Variants in STK32B observed in about 807,000 individuals in gnomAD.
STK32B encodes serine/threonine-protein kinase 32B.
STK32B carries 43 observed loss-of-function variants against 52.6 expected under a neutral mutation model. The observed-to-expected ratio is 0.82, with a 90% CI of 0.64 to 1.05. The LOEUF is 1.05. Among genes scored for constraint, STK32B ranks in the 50% least tolerant of loss-of-function variants. STK32B has a pLI of 0.00. For missense variants in STK32B, 621 were observed against 534.6 expected, an observed-to-expected ratio of 1.16 and a Z score of -1.59; for synonymous variants, 238 against 204.3, an observed-to-expected ratio of 1.17 and a Z score of -1.41.
At chr4:5,175,675 A>G (rs1178170693) in intron 3 of STK32B, among the ~76,000 whole-genome samples, 1 of 152,160 alleles carries the variant, frequency 6.6e-6, no homozygotes, top group Admixed American at 6.5e-5. Context: ...TTTGTCTCAG[A>G]GGAGTACCCG....
chr4:5,134,293 G>A (rs1715943113), intron 1 of STK32B, among the ~76,000 whole-genome samples: 1 of 152,190 alleles, frequency 6.6e-6, no homozygotes, highest in East Asian at 1.9e-4. Flanking sequence ...AATAAAAGGT[G>A]ATTAGGCCAT....
intron 11 of STK32B, among the ~76,000 whole-genome samples, chr4:5,477,715 G>A (rs1313905046): frequency 6.6e-6 from 1 of 152,108 alleles, no homozygotes; most frequent in Non-Finnish European, 1.5e-5. Context: ...TTGCCCTTGG[G>A]AATTACACGC....
intron 3 of STK32B, among the ~76,000 whole-genome samples, chr4:5,245,474 G>A (rs56181302): frequency 3.3e-5 from 5 of 151,420 alleles, no homozygotes; most frequent in Non-Finnish European, 3.0e-5. Flanking sequence ...ACGTGAGCAC[G>A]TGAGATGGGT....
rs1376509358 is a variant in STK32B at position 5,051,564 on chromosome 4, G to A, written c.-300G>A. ...AGGAGCGCCGCACGTTGGCCCCGGCGCGAGGAGCTCCCGGGTTCCCGGGCG... is the reference window on the plus strand; with the variant it reads ...AGGAGCGCCGCACGTTGGCCCCGGCACGAGGAGCTCCCGGGTTCCCGGGCG... On this transcript the variant is annotated 5_prime_UTR_variant, in exon 1 of 12. Coordinates refer to ENST00000282908, the MANE Select transcript of STK32B (RefSeq NM_018401.3). 1.3e-5 allele frequency: 5 copies of A among 385,166 alleles called. No individual in the cohort carries two copies. Among genetic ancestry groups the A allele is most frequent in the East Asian group, 4.4e-5 (1 of 22,728 alleles). 23.9% of individuals were successfully genotyped at this position (385,166 alleles called of 1,614,324 possible). A position where few individuals can be genotyped will look rare whatever the true frequency, so the allele number is the denominator to read the frequency against.
intron 3 of STK32B, among the ~76,000 whole-genome samples, chr4:5,233,714 C>T (rs988608034): frequency 4.0e-5 from 6 of 151,154 alleles, no homozygotes; most frequent in African/African-American, 1.2e-4. Flanking sequence ...AAGCCATTCA[C>T]TTGGGAGGCT....
chr4:5,097,889 GT>G (rs981184296), intron 1 of STK32B, among the ~76,000 whole-genome samples: 95 of 152,346 alleles, frequency 6.2e-4, no homozygotes, highest in African/African-American at 2.2e-3. Context: ...CAGCTGGGGA[GT>G]TATGCTAACC....
intron 2 of STK32B, 184 bp downstream of exon 2, chr4:5,140,144 T>G: frequency 2.1e-6 from 3 of 1,423,932 alleles, no homozygotes; most frequent in Non-Finnish European, 2.9e-6. Flanking sequence ...TTCTGGAAAT[T>G]AAATTACCAC....
chr4:5,375,866 G>T, intron 4 of STK32B, among the ~76,000 whole-genome samples: 1 of 152,176 alleles, frequency 6.6e-6, no homozygotes, highest in East Asian at 1.9e-4. Flanking sequence ...AGGTTCCTCT[G>T]TGGGATGATG....
At chr4:5,335,607 T>C (rs542556141) in intron 4 of STK32B, among the ~76,000 whole-genome samples, 32 of 152,120 alleles carry the variant, frequency 2.1e-4, no homozygotes, top group Middle Eastern at 3.2e-3. Flanking sequence ...CTTTCTCTTG[T>C]GGGCATTTAG....
upstream of STK32B, among the ~76,000 whole-genome samples, chr4:5,051,220 G>C (rs1394726358): frequency 2.6e-5 from 4 of 152,082 alleles, no homozygotes; most frequent in Admixed American, 2.6e-4. Flanking sequence ...CGTCTACTGC[G>C]CTCTAAAATA....
At chr4:5,337,531 C>A (rs74917145) in intron 4 of STK32B, among the ~76,000 whole-genome samples, 2,087 of 152,252 alleles carry the variant, frequency 0.014, 32 homozygotes, top group East Asian at 0.075. Flanking sequence ...CAGGATGATG[C>A]TGATGGGATA....
At chr4:5,109,119 C>T (rs562725856) in intron 1 of STK32B, among the ~76,000 whole-genome samples, 4 of 152,146 alleles carry the variant, frequency 2.6e-5, no homozygotes, top group Admixed American at 6.5e-5. Context: ...AGAGCCTTGT[C>T]CAGCAACAAA....
chr4:5,200,131 C>T (rs367991334), intron 3 of STK32B, among the ~76,000 whole-genome samples: 3 of 152,050 alleles, frequency 2.0e-5, no homozygotes, highest in Admixed American at 6.5e-5. Context: ...ATGGGAATAA[C>T]GTCTAGTTCT....
Position 5,317,320 on chromosome 4 carries a change from AAT to A in STK32B, c.261-13893_261-13892del, listed in dbSNP as rs1385219291. Among the ~76,000 whole-genome samples the A allele has an allele frequency of 3.2e-4, 14 of 43,512 alleles. 1 individual carries two copies. In the East Asian group the frequency reaches 5.5e-3, roughly 17 times the overall value. 28.5% of individuals were successfully genotyped at this position (43,512 alleles called of 152,430 possible). On this transcript the variant is annotated intron_variant, in intron 3 of 11. Transcript: ENST00000282908. ...AATATATAATATATAACATATGTAT[AAT>A]ATATATTACATATATAATACATATA...
chr4:5,374,637 G>A (rs886481737), intron 4 of STK32B, among the ~76,000 whole-genome samples: 2 of 152,176 alleles, frequency 1.3e-5, no homozygotes, highest in Non-Finnish European at 2.9e-5. Flanking sequence ...AAAGGGCAAG[G>A]CACCTCCCTT....
intron 2 of STK32B, among the ~76,000 whole-genome samples, chr4:5,148,899 T>A (rs1717127045): frequency 6.6e-6 from 1 of 151,836 alleles, no homozygotes; most frequent in Non-Finnish European, 1.5e-5. Context: ...ACGTTGAGAT[T>A]TGTTGTTAGA....
intron 3 of STK32B, among the ~76,000 whole-genome samples, chr4:5,314,627 G>A (rs1255584098): frequency 2.0e-5 from 3 of 152,202 alleles, no homozygotes; most frequent in African/African-American, 4.8e-5. Context: ...CCGAAATCAC[G>A]CCATTGCACT....
intron 1 of STK32B, among the ~76,000 whole-genome samples, chr4:5,110,013 A>AG (rs1427152446): frequency 5.9e-5 from 7 of 119,184 alleles, no homozygotes; most frequent in African/African-American, 1.9e-4. Context: ...CAATAGCCAC[A>AG]GAAAAAAAAA....
At chr4:5,238,081 A>G (rs1262938308) in intron 3 of STK32B, among the ~76,000 whole-genome samples, 1 of 152,188 alleles carries the variant, frequency 6.6e-6, no homozygotes, top group African/African-American at 2.4e-5. Context: ...ACACGTAGGA[A>G]GCATAAAAAG....
Sources: gnomAD v4.1 joint callset for allele counts (sites outside exome capture counted in the v4.1 genomes callset) on GRCh38, gnomAD v4.1.1 for gene constraint, MANE v1.5 for transcripts, NCBI Gene and HGNC (gene_info 2026-07-23, HGNC 2026-07-21) for gene names.